The following SCLT1 variants were observed in gnomAD, a reference collection of about 807,000 sequenced individuals.
SCLT1 encodes sodium channel-associated protein 1.
SCLT1 carries 78 observed loss-of-function variants against 112.8 expected under a neutral mutation model. That is an observed-to-expected ratio of 0.69 (90% CI 0.58 to 0.83). SCLT1 has a LOEUF of 0.83. Among genes scored for constraint, SCLT1 ranks in the 40% least tolerant of loss-of-function variants. The pLI, the probability that SCLT1 is intolerant of heterozygous loss-of-function variation, is 0.00. For synonymous variants in SCLT1, 257 were observed against 254.7 expected (o/e 1.01, Z -0.09); for missense variants, 747 against 770.4 (o/e 0.97, Z 0.36).
intron 20 of SCLT1, 34 bp from the exon 21 acceptor site, chr4:128,884,573 C>G: frequency 7.2e-7 from 1 of 1,384,134 alleles, no homozygotes; most frequent in Non-Finnish European, 1.0e-6. Context: ...TAAGTAGTTA[C>G]TTTTTCTGTG....
intron 18 of SCLT1, among the ~76,000 whole-genome samples, chr4:128,896,589 A>C (rs1004539211): frequency 6.6e-6 from 1 of 152,224 alleles, no homozygotes; most frequent in African/African-American, 2.4e-5. Context: ...CAGAGCAGAA[A>C]AACTGGAAAC....
At chr4:128,948,231 G>A (rs924514447) in intron 15 of SCLT1, among the ~76,000 whole-genome samples, 1 of 151,224 alleles carries the variant, frequency 6.6e-6, no homozygotes, top group Non-Finnish European at 1.5e-5. Context: ...AGCTACTCAG[G>A]AGGCTGAGGC....
chr4:128,990,513 T>C (rs1391145019), intron 9 of SCLT1, among the ~76,000 whole-genome samples: 1 of 151,864 alleles, frequency 6.6e-6, no homozygotes, highest in Non-Finnish European at 1.5e-5. Flanking sequence ...ACTGAAAGCC[T>C]TTCTGCTAAT....
At chr4:128,892,219 G>A (rs1733384382) in intron 18 of SCLT1, among the ~76,000 whole-genome samples, 1 of 152,138 alleles carries the variant, frequency 6.6e-6, no homozygotes, top group African/African-American at 2.4e-5. Context: ...AGAGTTTCAG[G>A]TTAAGGGTAC....
At chr4:128,978,549 T>C (rs1560920230) in intron 9 of SCLT1, among the ~76,000 whole-genome samples, 1 of 151,970 alleles carries the variant, frequency 6.6e-6, no homozygotes, top group Non-Finnish European at 1.5e-5. Context: ...AATCATCAGT[T>C]AAGGAAAATC....
chr4:128,905,744 C>A (rs924178818), intron 18 of SCLT1, among the ~76,000 whole-genome samples: 4 of 152,098 alleles, frequency 2.6e-5, no homozygotes, highest in African/African-American at 9.7e-5. Flanking sequence ...GAATATTTTC[C>A]TGACTTTTTA....
At chr4:129,074,517 C>T (rs1028554796) in intron 2 of SCLT1, among the ~76,000 whole-genome samples, 1 of 151,930 alleles carries the variant, frequency 6.6e-6, no homozygotes. Flanking sequence ...CTTAATAACT[C>T]GAGCAGTAAT....
At chr4:128,949,856 T>TG (rs1181491427) in intron 14 of SCLT1, among the ~76,000 whole-genome samples, 3 of 151,428 alleles carry the variant, frequency 2.0e-5, no homozygotes, top group Non-Finnish European at 2.9e-5. Flanking sequence ...CTTTTTTTTT[T>TG]TTCCCCTAAT....
At chr4:128,882,623 T>C (rs551240026), downstream of SCLT1, among the ~76,000 whole-genome samples, 2 of 152,276 alleles carry the variant, frequency 1.3e-5, no homozygotes, top group Admixed American at 6.5e-5. Flanking sequence ...AGGGATAAAA[T>C]GAATGACAGT....
intron 4 of SCLT1, chr4:128,875,237 T>C (rs746053904): frequency 3.3e-5 from 5 of 152,662 alleles, no homozygotes; most frequent in Non-Finnish European, 7.3e-5. Flanking sequence ...TTAAGTGTCT[T>C]TTGAAATCTG....
chr4:128,937,262 A>G (rs945963396), intron 17 of SCLT1, among the ~76,000 whole-genome samples: 5 of 145,060 alleles, frequency 3.4e-5, no homozygotes, highest in Non-Finnish European at 7.5e-5. Flanking sequence ...TGGGTGACAG[A>G]GTAAGACTCT....
At chr4:129,063,273 G>A (rs575097122) in intron 2 of SCLT1, among the ~76,000 whole-genome samples, 6 of 152,254 alleles carry the variant, frequency 3.9e-5, no homozygotes, top group East Asian at 1.9e-4. Context: ...CACCTCCTGC[G>A]GTCTTTACTG....
chr4:128,973,298 T>C (rs770885050), intron 9 of SCLT1, among the ~76,000 whole-genome samples: 3 of 151,994 alleles, frequency 2.0e-5, no homozygotes, highest in South Asian at 2.1e-4. Flanking sequence ...AAATATACAA[T>C]GTAAGATAAT....
At chr4:128,964,602 T>A (rs535941635) in intron 11 of SCLT1, among the ~76,000 whole-genome samples, 2 of 152,242 alleles carry the variant, frequency 1.3e-5, no homozygotes, top group Non-Finnish European at 2.9e-5. Context: ...GATTTATGGT[T>A]CATGATTCCT....
chr4:128,972,594 A>C (rs1740786472), intron 9 of SCLT1, among the ~76,000 whole-genome samples: 1 of 152,210 alleles, frequency 6.6e-6, no homozygotes, highest in African/African-American at 2.4e-5. Flanking sequence ...ACAGAGGTGG[A>C]TTAGGCAATT....
In SCLT1 at chr4:128,997,924, A is replaced by T. The variant is rs369526908; in HGVS notation, c.565T>A (p.Phe189Ile). ...TGAAGTTGTTTGGTCAGTTGTTGAAAATCAAATAGCTGATCCTACAGTGGG... is the reference window on the plus strand; with the variant it reads ...TGAAGTTGTTTGGTCAGTTGTTGAATATCAAATAGCTGATCCTACAGTGGG... Reference protein sequence around the residue: ...SQKQKDQLFDFQQLTKQLHVT... With the variant: ...SQKQKDQLFDIQQLTKQLHVT... Residue 189 changes from phenylalanine to isoleucine, a missense_variant, in exon 8 of 21, where the codon TTT becomes ATT. By Grantham distance (21) the Phe-to-Ile change is conservative. This residue lies in a region of SCLT1 where 723 missense variants were observed against 721.3 expected (regional missense o/e 1.00). Transcript: ENST00000281142. 3 of 1,512,024 alleles carry T rather than the reference A, an allele frequency of 2.0e-6. No homozygotes were observed. The highest frequency in any genetic ancestry group is 1.4e-5 in the South Asian group (1 of 72,570). 93.7% of individuals were successfully genotyped at this position (1,512,024 alleles called of 1,614,324 possible).
At chr4:129,080,522 T>C (rs1751845941) in intron 2 of SCLT1, among the ~76,000 whole-genome samples, 1 of 152,194 alleles carries the variant, frequency 6.6e-6, no homozygotes. Flanking sequence ...AAGAGTGACC[T>C]TTACACTAGT....
intron 18 of SCLT1, among the ~76,000 whole-genome samples, chr4:128,901,190 T>G (rs543240717): frequency 1.3e-4 from 20 of 152,336 alleles, no homozygotes; most frequent in African/African-American, 4.8e-4. Context: ...CAAAGGATTA[T>G]AAATCATGCT....
At chr4:129,078,266 A>T (rs1404668833) in intron 2 of SCLT1, among the ~76,000 whole-genome samples, 2 of 152,264 alleles carry the variant, frequency 1.3e-5, no homozygotes, top group East Asian at 3.8e-4. Flanking sequence ...ATGCAGGTGC[A>T]TCTGAAAGGC....
Sources: gnomAD v4.1 joint callset for allele counts (sites outside exome capture counted in the v4.1 genomes callset) on GRCh38, gnomAD v4.1.1 for gene constraint, gnomAD v4.1.1 regional missense constraint, MANE v1.5 for transcripts, NCBI Gene and HGNC (gene_info 2026-07-23, HGNC 2026-07-21) for gene names.